The following PTPN3 variants were observed in gnomAD, a reference collection of about 807,000 sequenced individuals.
PTPN3 encodes the protein protein tyrosine phosphatase non-receptor type 3, also known as tyrosine-protein phosphatase non-receptor type 3.
PTPN3 carries 96 observed loss-of-function variants against 132.7 expected under a neutral mutation model. The observed-to-expected ratio is 0.72, with a 90% CI of 0.61 to 0.86. The LOEUF (loss-of-function observed/expected upper bound fraction) is 0.86. Among genes scored for constraint, PTPN3 ranks in the 40% least tolerant of loss-of-function variants. The probability of loss-of-function intolerance (pLI) is 0.00; values close to 1 mark genes in which losing one functional copy is unlikely to be tolerated. For synonymous variants in PTPN3, 398 were observed against 429.0 expected (o/e 0.93, Z 0.89); for missense variants, 1,125 against 1,159.6 (o/e 0.97, Z 0.43).
intron 10 of PTPN3, 38 bp downstream of exon 10, chr9:109,433,035 G>A: frequency 6.2e-7 from 1 of 1,606,670 alleles, no homozygotes; most frequent in Non-Finnish European, 8.5e-7. Context: ...TATTTTTAAA[G>A]CATGATTCAG....
chr9:109,524,774 G>A, the PTPN3 span, among the ~76,000 whole-genome samples: 1 of 152,192 alleles, frequency 6.6e-6, no homozygotes, highest in East Asian at 1.9e-4. Flanking sequence ...GTCTCGCTCT[G>A]TCGCCCAGTC....
At position 109,439,387 on chromosome 9, in the gene PTPN3, T is replaced by C. The variant is rs543092567; in HGVS notation, c.467-1153A>G. On this transcript the variant is annotated intron_variant, in intron 7 of 25. Transcript: ENST00000374541. ...TCTACTTCATCTTTAAAAAAAAAAT[T>C]AGTCCTGATCTTTCCAAATATTTTA... is the stretch of plus-strand genomic sequence containing the variant. Among the ~76,000 whole-genome samples, 4 of 151,964 alleles carry C rather than the reference T, an allele frequency of 2.6e-5. No individual in the cohort carries two copies. The South Asian group carries it at 6.3e-4, about 24-fold the overall frequency.
In PTPN3 at chr9:109,489,381, A is replaced by G. The variant is rs537382853; in HGVS notation, c.-18+8838T>C. Among the ~76,000 whole-genome samples, 146 of 152,326 alleles carry G rather than the reference A, an allele frequency of 9.6e-4. 1 individual carries two copies. Among genetic ancestry groups the G allele is most frequent in the African/African-American group, 3.4e-3 (140 of 41,580 alleles). ...CAAACATCAGGCCTGCAGGCCATGC[A>G]GAGGTTAGTTTTGTCTTTATCCAGG... is the stretch of plus-strand genomic sequence containing the variant. On this transcript the variant is annotated intron_variant, in intron 1 of 25. Coordinates refer to ENST00000374541, the MANE Select transcript of PTPN3 (RefSeq NM_002829.4).
chr9:109,535,144 G>C, the PTPN3 span, among the ~76,000 whole-genome samples: 3 of 152,276 alleles, frequency 2.0e-5, no homozygotes, highest in African/African-American at 7.2e-5. Context: ...AAGAATTGTG[G>C]TTCGTATTTC....
At chr9:109,398,827 C>T (rs1385808602) in intron 19 of PTPN3, among the ~76,000 whole-genome samples, 1 of 152,134 alleles carries the variant, frequency 6.6e-6, no homozygotes, top group Non-Finnish European at 1.5e-5. Flanking sequence ...CAGATCCTGT[C>T]CTTTGCTTAA....
chr9:109,451,076 G>A, intron 5 of PTPN3: 4 of 973,410 alleles, frequency 4.1e-6, no homozygotes, highest in Non-Finnish European at 4.9e-6. Context: ...GTGAATTAAT[G>A]GTAGAAGCCT....
rs774607981 is a variant in PTPN3, at chr9:109,410,286, G to C, written c.1443C>G (p.Phe481Leu). ...DGVDQQLLDD[F>L]HRVTKGGSTE... ...TGGAGCCCCCTTTGGTCACCCTGTG[G>C]AAGTCATCTAAGAGCTGCTGATCAA... is the stretch of plus-strand genomic sequence containing the variant. The change falls in exon 15 of 26, where the codon TTC becomes TTG. Residue 481 changes from phenylalanine (F) to leucine (L), a missense_variant. Coordinates refer to ENST00000374541, the MANE Select transcript of PTPN3 (RefSeq NM_002829.4). The C allele has an allele frequency of 3.7e-6, 6 of 1,614,170 alleles. No individual in the cohort carries two copies. Among genetic ancestry groups the C allele is most frequent in the Non-Finnish European group, 3.4e-6 (4 of 1,180,034 alleles).
intron 1 of PTPN3, among the ~76,000 whole-genome samples, chr9:109,479,009 G>GTT (rs796293710): frequency 3.2e-4 from 45 of 140,632 alleles, no homozygotes; most frequent in African/African-American, 9.8e-4. Flanking sequence ...GTAAACAAGC[G>GTT]TTTTTTTTTT....
intron 2 of PTPN3, among the ~76,000 whole-genome samples, chr9:109,458,504 T>G (rs899695694): frequency 6.6e-6 from 1 of 152,172 alleles, no homozygotes; most frequent in South Asian, 2.1e-4. Flanking sequence ...TTTTTTTGAG[T>G]GCCTGAGAGC....
intron 14 of PTPN3, among the ~76,000 whole-genome samples, chr9:109,413,144 TG>T (rs1437098986): frequency 6.6e-6 from 1 of 150,622 alleles, no homozygotes; most frequent in Non-Finnish European, 1.5e-5. Flanking sequence ...TTAGTAGAGA[TG>T]GGGTTTCACC....
At chr9:109,512,913 C>T in the PTPN3 span, among the ~76,000 whole-genome samples, 1 of 152,206 alleles carries the variant, frequency 6.6e-6, no homozygotes, top group Non-Finnish European at 1.5e-5. Flanking sequence ...CCTCCTGCCC[C>T]TAAGTGTCAG....
chr9:109,394,873 C>T (rs1176419290), intron 19 of PTPN3, among the ~76,000 whole-genome samples: 1 of 152,170 alleles, frequency 6.6e-6, no homozygotes, highest in Non-Finnish European at 1.5e-5. Context: ...GGTGTGGCAG[C>T]TCACGCCTGT....
chr9:109,406,666 C>T (rs967527404), intron 17 of PTPN3, 48 bp from the exon 18 acceptor site: 18 of 1,600,952 alleles, frequency 1.1e-5, no homozygotes, highest in Non-Finnish European at 1.5e-5. Context: ...TAACACAGTC[C>T]TTGGGGGAAG....
At chr9:109,425,369 C>G (rs1050680655) in intron 12 of PTPN3, among the ~76,000 whole-genome samples, 2 of 152,158 alleles carry the variant, frequency 1.3e-5, no homozygotes, top group Non-Finnish European at 2.9e-5. Flanking sequence ...TAGTAATAGC[C>G]ACATCAACAA....
chr9:109,429,954 C>T (rs1212525527), intron 10 of PTPN3, among the ~76,000 whole-genome samples: 2 of 152,176 alleles, frequency 1.3e-5, no homozygotes, highest in Non-Finnish European at 2.9e-5. Context: ...TTGAACTATT[C>T]ATGGGACATC....
chr9:109,444,364 G>A (rs201502399), intron 7 of PTPN3, among the ~76,000 whole-genome samples: 149 of 152,236 alleles, frequency 9.8e-4, no homozygotes, highest in Non-Finnish European at 1.8e-3. Flanking sequence ...ATATACCCTC[G>A]ATAAAGTTTT....
At chr9:109,389,473 G>T in intron 21 of PTPN3, 94 bp from the exon 22 acceptor site, 1 of 1,277,332 alleles carries the variant, frequency 7.8e-7, no homozygotes, top group Non-Finnish European at 1.1e-6. Context: ...AATTGATATT[G>T]CACCAGAAAA....
intron 2 of PTPN3, among the ~76,000 whole-genome samples, chr9:109,461,760 A>C (rs985569170): frequency 8.7e-5 from 2 of 22,896 alleles, no homozygotes; most frequent in African/African-American, 4.3e-4. Context: ...TTGTTTCAGG[A>C]AAAAAAAAAA....
intron 2 of PTPN3, among the ~76,000 whole-genome samples, chr9:109,461,497 T>C (rs1845842126): frequency 6.6e-6 from 1 of 152,232 alleles, no homozygotes; most frequent in Non-Finnish European, 1.5e-5. Context: ...GCTCATGCTT[T>C]ACAATTCCAG....
Sources: gnomAD v4.1 joint callset for allele counts (sites outside exome capture counted in the v4.1 genomes callset) on GRCh38, gnomAD v4.1.1 for gene constraint, MANE v1.5 for transcripts, NCBI Gene and HGNC (gene_info 2026-07-23, HGNC 2026-07-21) for gene names.